Variants in BSN observed in about 807,000 individuals in gnomAD.
BSN encodes bassoon presynaptic cytomatrix protein.
A neutral mutation model predicts 264.8 loss-of-function variants in BSN; 57 were observed. The observed-to-expected ratio is 0.22, with a 90% confidence interval of 0.17 to 0.27. The LOEUF is 0.27. Among genes scored for constraint, BSN ranks in the 10% least tolerant of loss-of-function variants. BSN has a pLI of 1.00. For synonymous variants in BSN, 2,059 were observed against 2,137.3 expected (o/e 0.96, Z 1.01); for missense variants, 4,615 against 5,232.5 (o/e 0.88, Z 3.64).
At chr3:49,662,683 C>T (rs2052670942) in intron 6 of BSN, 121 bp downstream of exon 6, 2 of 1,477,986 alleles carry the variant, frequency 1.4e-6, no homozygotes, top group Non-Finnish European at 1.8e-6. Flanking sequence ...TCTGGTGGGC[C>T]CTGCTGCAGG....
chr3:49,663,452 G>A lies in BSN; in HGVS notation c.11294G>A (p.Arg3765Lys). The A allele has an allele frequency of 3.1e-6, 5 of 1,613,064 alleles. No individual in the cohort carries two copies. Among genetic ancestry groups the A allele is most frequent in the Non-Finnish European group, 4.2e-6 (5 of 1,180,008 alleles). ...GPQQSQSPSS[R>K]QIPSGAASRQ... is the part of the protein sequence containing the mutation. ...CAGCAGTCACAGTCACCATCATCCA[G>A]GCAAATACCCTCTGGGGCAGCATCA... Residue 3765 changes from arginine (R) to lysine (K), a missense_variant, in exon 7 of 12, where the codon AGG becomes AAG. Around this residue, in one of 3 missense-constraint regions of BSN, gnomAD observed 3,415 missense variants for 3,866.4 expected, o/e 0.88. Transcript: ENST00000296452.
rs754994033 is a variant in BSN, at chr3:49,661,805, T to C, written c.9960T>C (p.Tyr3320=). 6.2e-7 allele frequency: 1 copy of C among 1,613,554 alleles called. No homozygotes were observed. Among genetic ancestry groups the C allele is most frequent in the South Asian group, 1.1e-5 (1 of 91,078 alleles). Residue 3320 remains tyrosine, a synonymous_variant, in exon 6 of 12, where the codon TAT becomes TAC. Coordinates refer to ENST00000296452, the MANE Select transcript of BSN (RefSeq NM_003458.4). ...GTCGACCAGCCAGTACCCACTACTA[T>C]GGTGACAGTGACTACAGGCATGGGG... ...SNGRPASTHY[Y]GDSDYRHGAR...
Position 49,654,861 on chromosome 3 carries a change from G to A in BSN, c.5305G>A (p.Val1769Met), listed in dbSNP as rs142338067. Residue 1769 changes from valine to methionine, a missense_variant, in exon 5 of 12, where the codon GTG (valine) becomes ATG (methionine). Coordinates refer to ENST00000296452, the MANE Select transcript of BSN (RefSeq NM_003458.4). This position sits in a 1 kb window ranked among gnomAD's most constrained non-coding sequence, Gnocchi z 4.1. ...LDFGQGGGSP[V>M]CLAQVKQVEQ... ...CTTTGGCCAGGGTGGGGGTAGCCCTGTGTGCCTGGCCCAGGTCAAACAAGT... is the reference window on the plus strand; with the variant it reads ...CTTTGGCCAGGGTGGGGGTAGCCCTATGTGCCTGGCCCAGGTCAAACAAGT... 2.5e-6 allele frequency: 4 copies of A among 1,613,516 alleles called. No homozygotes were observed. Among genetic ancestry groups the A allele is most frequent in the Non-Finnish European group, 3.4e-6 (4 of 1,180,006 alleles).
chr3:49,645,537 T>C (rs189488129), intron 3 of BSN, among the ~76,000 whole-genome samples: 1 of 152,192 alleles, frequency 6.6e-6, no homozygotes, highest in Non-Finnish European at 1.5e-5. Flanking sequence ...GCCTTAGTCC[T>C]TCCGTCCTTA....
intron 2 of BSN, among the ~76,000 whole-genome samples, chr3:49,637,372 G>T (rs2052427765): frequency 2.0e-5 from 3 of 152,144 alleles, no homozygotes; most frequent in Non-Finnish European, 4.4e-5. Context: ...GCCAGATATG[G>T]CAAGCAAGGC....
At chr3:49,571,200 G>A (rs1269813010) in intron 1 of BSN, among the ~76,000 whole-genome samples, 1 of 152,024 alleles carries the variant, frequency 6.6e-6, no homozygotes, top group Non-Finnish European at 1.5e-5. Flanking sequence ...CCAATAGAGA[G>A]TTAAGAGCAC....
chr3:49,655,111 A>G lies in BSN; in HGVS notation c.5555A>G (p.His1852Arg), dbSNP rs1267123277. The G allele has an allele frequency of 1.2e-6, 2 of 1,612,472 alleles. No individual in the cohort carries two copies. The highest frequency in any genetic ancestry group is 1.3e-5 in the African/African-American group (1 of 74,936). Residue 1852 changes from histidine to arginine, a missense_variant, in exon 5 of 12, where the codon CAT becomes CGT. Physicochemically the swap from His to Arg is conservative, Grantham distance 29 (BLOSUM62 0). Around this residue, in one of 3 missense-constraint regions of BSN, gnomAD observed 3,415 missense variants for 3,866.4 expected, o/e 0.88. Coordinates refer to ENST00000296452, the MANE Select transcript of BSN (RefSeq NM_003458.4). ...GCCACCCCTGCAGAGCTGCGGTCAC[A>G]TGCTCTGCCAGGTGCCAGGAAGCCA... is the stretch of plus-strand genomic sequence containing the variant. ...HRATPAELRS[H>R]ALPGARKPHT...
chr3:49,569,885 C>T (rs373812260), intron 1 of BSN, among the ~76,000 whole-genome samples: 2 of 152,248 alleles, frequency 1.3e-5, no homozygotes, highest in Admixed American at 6.5e-5. Context: ...GAGTGACAGT[C>T]GTGTGGGACA....
Position 49,650,934 on chromosome 3 carries a change from C to A in BSN, c.1841C>A (p.Thr614Asn). Residue 614 changes from threonine (T) to asparagine (N), a missense_variant, in exon 4 of 12, where the codon ACT becomes AAT. By Grantham distance (65) the Thr-to-Asn change is moderately conservative. Coordinates refer to ENST00000296452, the MANE Select transcript of BSN (RefSeq NM_003458.4). ...SVQEKKTRVP[T>N]KAEPMPKPPP... ...CAGGAAAAGAAGACCCGAGTCCCCA[C>A]TAAAGCTGAGCCCATGCCGAAGCCA... is the stretch of plus-strand genomic sequence containing the variant. 6.2e-7 allele frequency: 1 copy of A among 1,614,202 alleles called. No homozygotes were observed. The highest frequency in any genetic ancestry group is 2.2e-5 in the East Asian group (1 of 44,892).
In BSN at chr3:49,653,328, G is replaced by A. The variant is rs777202314; in HGVS notation, c.3772G>A (p.Glu1258Lys). ...AGCCAGCCTGGGAGCAGCCGTGTAC[G>A]AAGAAATCCTTCAGACATCACAGAG... ...TPASLGAAVY[E>K]EILQTSQSIV... Residue 1258 changes from glutamate (E) to lysine (K), a missense_variant, in exon 5 of 12, where the codon GAA becomes AAA. Physicochemically the swap from Glu to Lys is moderately conservative, Grantham distance 56 (BLOSUM62 1). Around this residue, in one of 3 missense-constraint regions of BSN, gnomAD observed 3,415 missense variants for 3,866.4 expected, o/e 0.88. Coordinates refer to ENST00000296452, the MANE Select transcript of BSN (RefSeq NM_003458.4). The surrounding 1 kb of genome is among the most constrained non-coding windows in gnomAD (Gnocchi z 6.3). 28 of 1,612,086 alleles carry A rather than the reference G, an allele frequency of 1.7e-5. No individual in the cohort carries two copies. The highest frequency in any genetic ancestry group is 1.7e-4 in the Middle Eastern group (1 of 6,060).
intron 1 of BSN, among the ~76,000 whole-genome samples, chr3:49,610,903 G>A (rs543903359): frequency 3.0e-4 from 45 of 152,300 alleles, no homozygotes; most frequent in African/African-American, 1.0e-3. Flanking sequence ...CAGACATTGG[G>A]TGATCTTGCC....
chr3:49,659,257 G>A (rs1422276359), intron 5 of BSN, among the ~76,000 whole-genome samples: 1 of 152,166 alleles, frequency 6.6e-6, no homozygotes, highest in African/African-American at 2.4e-5. Flanking sequence ...AGGCTGGCAG[G>A]GAGGGCAGGT....
chr3:49,559,229 G>T (rs2051695841), intron 1 of BSN, among the ~76,000 whole-genome samples: 2 of 152,194 alleles, frequency 1.3e-5, no homozygotes, highest in South Asian at 4.1e-4. Context: ...GCCTGGCCGA[G>T]AAATGCTATC....
chr3:49,584,698 T>C lies in BSN; in HGVS notation c.224+29872T>C, dbSNP rs150686468. 8.4e-4 allele frequency among the ~76,000 whole-genome samples: 128 copies of C among 152,334 alleles called. 4 individuals carry two copies. In the East Asian group the frequency reaches 0.023, roughly 27 times the overall value. ...GTTATTATTGACTATAGTCACCTTG[T>C]TGTGCTATCAAATAGTAGGTCTTAT... On this transcript the variant is annotated intron_variant, in intron 1 of 11. Coordinates refer to ENST00000296452, the MANE Select transcript of BSN (RefSeq NM_003458.4).
intron 1 of BSN, among the ~76,000 whole-genome samples, chr3:49,568,742 A>C (rs1368876472): frequency 6.6e-6 from 1 of 152,254 alleles, no homozygotes; most frequent in African/African-American, 2.4e-5. Flanking sequence ...TTACAAAAAG[A>C]AGCACAGTGA....
Position 49,663,825 on chromosome 3 carries a change from C to T in BSN, c.11547C>T (p.Ala3849=), listed in dbSNP as rs2052687512. 1 of 1,614,134 alleles carries T rather than the reference C, an allele frequency of 6.2e-7. No homozygotes were observed. Among genetic ancestry groups the T allele is most frequent in the Non-Finnish European group, 8.5e-7 (1 of 1,180,034 alleles). The part of the protein sequence containing the change: ...AEQTNGSKGT[A]KAPQQGRAPQ... ...AGACAAATGGCTCTAAAGGGACAGC[C>T]AAAGCACCGCAACAGGGGAGGGCTC... Residue 3849 remains alanine (A), a synonymous_variant, in exon 8 of 12, where the codon GCC becomes GCT. Transcript: ENST00000296452.
intron 2 of BSN, among the ~76,000 whole-genome samples, chr3:49,632,901 G>C (rs1052001881): frequency 6.6e-6 from 1 of 152,160 alleles, no homozygotes; most frequent in East Asian, 1.9e-4. Context: ...AGGAGTTTGA[G>C]ACCAGCCTAG....
intron 1 of BSN, among the ~76,000 whole-genome samples, chr3:49,610,586 A>G (rs2052198656): frequency 1.3e-5 from 2 of 149,158 alleles, no homozygotes; most frequent in South Asian, 2.1e-4. Flanking sequence ...TTTCATCTCA[A>G]AAAAAAAAAA....
rs150146379 is a variant in BSN, at chr3:49,631,377, G to A, written c.633+5994G>A. Among the ~76,000 whole-genome samples, 139 of 151,994 alleles carry A rather than the reference G, an allele frequency of 9.1e-4. 2 individuals are homozygous for A. The East Asian group carries it at 0.012, about 13-fold the overall frequency. ...TCAAGACTAGTCTGGGCAACATGGCGAAACCCCATCTCTACAAAAAAAATA... is the reference window on the plus strand; with the variant it reads ...TCAAGACTAGTCTGGGCAACATGGCAAAACCCCATCTCTACAAAAAAAATA... On this transcript the variant is annotated intron_variant, in intron 2 of 11. Transcript: ENST00000296452.
Sources: gnomAD v4.1 joint callset for allele counts (sites outside exome capture counted in the v4.1 genomes callset) on GRCh38, gnomAD v4.1.1 for gene constraint, gnomAD v4.1.1 regional missense constraint, Gnocchi (gnomAD v3.1) non-coding constraint, MANE v1.5 for transcripts, NCBI Gene and HGNC (gene_info 2026-07-23, HGNC 2026-07-21) for gene names.